CDH18: variants seen among roughly 807,000 people sequenced by gnomAD.
CDH18 encodes cadherin-18.
Under a neutral mutation model 67.9 loss-of-function variants are expected in CDH18, and 31 were observed. The ratio of observed to expected loss-of-function variants is 0.46; its 90% CI spans 0.34 to 0.62. The LOEUF (loss-of-function observed/expected upper bound fraction) is 0.62, where lower values mean the gene tolerates loss of function less well. Among genes scored for constraint, CDH18 ranks in the 20% least tolerant of loss-of-function variants. CDH18 has a pLI of 0.01. For missense variants in CDH18, 890 were observed against 975.5 expected, an observed-to-expected ratio of 0.91 and a Z score of 1.17; for synonymous variants, 362 against 347.2, an observed-to-expected ratio of 1.04 and a Z score of -0.48.
chr5:20,235,097 C>A (rs952745425), intron 2 of CDH18, among the ~76,000 whole-genome samples: 2 of 152,018 alleles, frequency 1.3e-5, no homozygotes, highest in Non-Finnish European at 2.9e-5. Flanking sequence ...TGAAACTGGA[C>A]ACCTACATAT....
chr5:19,991,077 A>G (rs1799954886), upstream of CDH18, among the ~76,000 whole-genome samples: 1 of 152,200 alleles, frequency 6.6e-6, no homozygotes, highest in African/African-American at 2.4e-5. Context: ...GACTATAGAA[A>G]CTGGAAAGAT....
At chr5:20,086,298 A>C (rs1744943810) in intron 2 of CDH18, among the ~76,000 whole-genome samples, 1 of 152,230 alleles carries the variant, frequency 6.6e-6, no homozygotes, top group South Asian at 2.1e-4. Flanking sequence ...TCATTGGTTC[A>C]TGAAGTTTAA....
At chr5:19,774,307 A>G (rs189171497) in intron 3 of CDH18, among the ~76,000 whole-genome samples, 1 of 152,112 alleles carries the variant, frequency 6.6e-6, no homozygotes, top group African/African-American at 2.4e-5. Flanking sequence ...CCAACTGTTC[A>G]GAAGGCAGAG....
intron 1 of CDH18, among the ~76,000 whole-genome samples, chr5:20,459,717 C>T (rs987708925): frequency 1.3e-5 from 2 of 152,158 alleles, no homozygotes; most frequent in Non-Finnish European, 2.9e-5. Context: ...TGAGCTAGTC[C>T]GACAGAAGTG....
intron 2 of CDH18, among the ~76,000 whole-genome samples, chr5:19,979,404 T>TA (rs1279825229): frequency 1.3e-5 from 2 of 152,276 alleles, no homozygotes; most frequent in African/African-American, 4.8e-5. Flanking sequence ...ACTGTAGATT[T>TA]ATATCTCGGT....
At chr5:20,530,616 T>C (rs933073243) in intron 1 of CDH18, among the ~76,000 whole-genome samples, 2 of 152,046 alleles carry the variant, frequency 1.3e-5, no homozygotes, top group African/African-American at 4.8e-5. Flanking sequence ...CCAACAAACC[T>C]GACAAAACAA....
intron 7 of CDH18, among the ~76,000 whole-genome samples, chr5:19,574,814 G>A (rs1742046508): frequency 6.6e-6 from 1 of 151,968 alleles, no homozygotes; most frequent in African/African-American, 2.4e-5. Flanking sequence ...AGGCCGAGGT[G>A]GGCGGATCAC....
chr5:19,515,233 G>A lies in CDH18; in HGVS notation c.1512+5424C>T, dbSNP rs898405324. On this transcript the variant is annotated intron_variant, in intron 10 of 12. Transcript: ENST00000382275. Reference sequence around the variant, plus strand: ...TCTGTTTTGGTACCAGTACCATGCTGTTTTGGTTACTGTAGCCTTGTAGTA... The same window carrying A: ...TCTGTTTTGGTACCAGTACCATGCTATTTTGGTTACTGTAGCCTTGTAGTA... Among the ~76,000 whole-genome samples the A allele has an allele frequency of 9.2e-5, 14 of 152,300 alleles. 1 individual carries two copies. The highest frequency in any genetic ancestry group is 3.4e-4 in the African/African-American group (14 of 41,560).
In CDH18 at chr5:19,514,664, T is replaced by A. The variant is rs978092168; in HGVS notation, c.1512+5993A>T. On this transcript the variant is annotated intron_variant, in intron 10 of 12. Coordinates refer to ENST00000382275, the MANE Select transcript of CDH18 (RefSeq NM_004934.5). ...GTCTTCTTTTGAAAAGTGTTTGTTC[T>A]TATCCTTTGCCCACTTTTTGATGGG... Among the ~76,000 whole-genome samples the A allele has an allele frequency of 1.6e-4, 24 of 152,128 alleles. 1 individual carries two copies. Among genetic ancestry groups the A allele is most frequent in the Non-Finnish European group, 7.4e-5 (5 of 68,014 alleles).
chr5:20,031,803 T>C (rs968885499), intron 2 of CDH18, among the ~76,000 whole-genome samples: 1 of 152,076 alleles, frequency 6.6e-6, no homozygotes, highest in Admixed American at 6.6e-5. Context: ...ACAGAAGCAA[T>C]TGACACTTAA....
chr5:20,044,962 C>G (rs1740781945), intron 2 of CDH18, among the ~76,000 whole-genome samples: 1 of 152,090 alleles, frequency 6.6e-6, no homozygotes, highest in South Asian at 2.1e-4. Flanking sequence ...CACTCTCTCT[C>G]TCATTGAAAA....
chr5:20,344,379 C>G (rs1430017424), intron 1 of CDH18, among the ~76,000 whole-genome samples: 1 of 152,098 alleles, frequency 6.6e-6, no homozygotes, highest in East Asian at 1.9e-4. Flanking sequence ...CACCCCTATG[C>G]CAAAGATAAG....
At chr5:20,411,954 C>G (rs967778100) in intron 1 of CDH18, among the ~76,000 whole-genome samples, 1 of 152,126 alleles carries the variant, frequency 6.6e-6, no homozygotes, top group African/African-American at 2.4e-5. Flanking sequence ...AATAGTCATA[C>G]TGCTGAAAGC....
At chr5:19,741,186 C>A (rs186737009) in intron 4 of CDH18, among the ~76,000 whole-genome samples, 34 of 147,196 alleles carry the variant, frequency 2.3e-4, no homozygotes, top group Middle Eastern at 3.8e-3. Flanking sequence ...TATATGTCAT[C>A]TATGTATATA....
chr5:20,497,811 T>C (rs754800815), intron 1 of CDH18, among the ~76,000 whole-genome samples: 4 of 152,162 alleles, frequency 2.6e-5, no homozygotes, highest in Admixed American at 2.0e-4. Context: ...TGCTATACTA[T>C]GCTGTTAGTA....
intron 1 of CDH18, among the ~76,000 whole-genome samples, chr5:20,482,309 A>T (rs1366823105): frequency 6.6e-6 from 1 of 152,098 alleles, no homozygotes; most frequent in Non-Finnish European, 1.5e-5. Context: ...TCTTCCAGCA[A>T]ATAAAAGCCT....
chr5:20,379,320 A>T (rs1363471218), intron 1 of CDH18, among the ~76,000 whole-genome samples: 1 of 152,204 alleles, frequency 6.6e-6, no homozygotes, highest in Non-Finnish European at 1.5e-5. Context: ...ATAATAGAAG[A>T]TATGTTGTAG....
At chr5:19,598,978 G>T (rs969053502) in intron 6 of CDH18, among the ~76,000 whole-genome samples, 1 of 151,880 alleles carries the variant, frequency 6.6e-6, no homozygotes, top group Non-Finnish European at 1.5e-5. Context: ...TGAAAAATTG[G>T]AATAGACAAA....
chr5:20,131,714 T>C (rs1023485315), intron 2 of CDH18, among the ~76,000 whole-genome samples: 5 of 152,190 alleles, frequency 3.3e-5, no homozygotes, highest in African/African-American at 9.6e-5. Flanking sequence ...CTTTATGCTA[T>C]ATTGATTTAT....
Sources: allele counts gnomAD v4.1 joint callset (sites outside exome capture counted in the v4.1 genomes callset), GRCh38; gene constraint gnomAD v4.1.1; transcripts MANE v1.5; gene names NCBI Gene and HGNC (gene_info 2026-07-23, HGNC 2026-07-21).